Variants in AGBL4 observed in about 807,000 individuals in gnomAD.
AGBL4 encodes cytosolic carboxypeptidase 6.
A neutral mutation model predicts 66.4 loss-of-function variants in AGBL4; 58 were observed. That is an observed-to-expected ratio of 0.87 (90% CI 0.71 to 1.09). The LOEUF (loss-of-function observed/expected upper bound fraction) is 1.09, where lower values mean the gene tolerates loss of function less well. Ranked by LOEUF, AGBL4 falls within the 50% of genes least tolerant of loss-of-function variation. The pLI is 0.00. For missense variants in AGBL4, 579 were observed against 631.0 expected (o/e 0.92, Z 0.88); for synonymous variants, 234 against 222.9 (o/e 1.05, Z -0.44).
Position 49,431,629 on chromosome 1 carries a change from C to T in AGBL4, c.283-185765G>A, listed in dbSNP as rs377702978. Among the ~76,000 whole-genome samples the T allele has an allele frequency of 3.4e-4, 52 of 152,228 alleles. 1 individual carries two copies. In the South Asian group the frequency reaches 9.6e-3, roughly 28 times the overall value. ...CAGCATTTTGTACATCTCCATTGTA[C>T]ATTTTGCTGTAATCATGTATTTTTT... On this transcript the variant is annotated intron_variant, in intron 3 of 13. Transcript: ENST00000371839.
At chr1:49,224,040 A>C (rs1241050535) in intron 4 of AGBL4, among the ~76,000 whole-genome samples, 1 of 152,202 alleles carries the variant, frequency 6.6e-6, no homozygotes, top group African/African-American at 2.4e-5. Context: ...CTGTTAAAGG[A>C]GAACATCTGC....
intron 8 of AGBL4, among the ~76,000 whole-genome samples, chr1:48,649,334 A>G (rs1175240910): frequency 6.6e-6 from 1 of 152,194 alleles, no homozygotes; most frequent in African/African-American, 2.4e-5. Context: ...AAATGAAGAG[A>G]AGGCAAATGT....
intron 3 of AGBL4, among the ~76,000 whole-genome samples, chr1:49,535,606 T>C (rs753172998): frequency 5.9e-5 from 9 of 152,036 alleles, no homozygotes; most frequent in Non-Finnish European, 1.2e-4. Context: ...AAATAATTAT[T>C]TGACATGTGC....
chr1:49,793,990 T>C (rs928754643), intron 2 of AGBL4, among the ~76,000 whole-genome samples: 2 of 151,964 alleles, frequency 1.3e-5, no homozygotes, highest in African/African-American at 2.4e-5. Flanking sequence ...ATCGTGAGGA[T>C]AGAAATGTGC....
chr1:48,664,421 T>A (rs1323080304), intron 6 of AGBL4, among the ~76,000 whole-genome samples: 1 of 152,164 alleles, frequency 6.6e-6, no homozygotes, highest in East Asian at 1.9e-4. Context: ...CCAAGGAGAA[T>A]GAGAATTCAG....
In AGBL4 at chr1:48,801,910, CTT is replaced by C. The variant is rs11322552; in HGVS notation, c.634+65279_634+65280del. Among the ~76,000 whole-genome samples, 956 of 144,268 alleles carry C rather than the reference CTT, an allele frequency of 6.6e-3. 4 individuals are homozygous for C. Among genetic ancestry groups the C allele is most frequent in the African/African-American group, 8.1e-3 (320 of 39,646 alleles). 94.6% of individuals were successfully genotyped at this position (144,268 alleles called of 152,430 possible). ...CACTCTGGCCTTGCCTCCATAATAA[CTT>C]TTTTTTTTTTTTTGACTTCAAAACA... is the stretch of plus-strand genomic sequence containing the variant. On this transcript the variant is annotated intron_variant, in intron 6 of 13. Transcript: ENST00000371839.
In AGBL4 at chr1:48,988,846, G is replaced by C. The variant is rs534637026; in HGVS notation, c.594+56738C>G. 2.0e-5 allele frequency among the ~76,000 whole-genome samples: 3 copies of C among 152,282 alleles called. No homozygotes were observed. The East Asian group carries it at 5.8e-4, about 29-fold the overall frequency. Reference sequence around the variant, plus strand: ...TCATTACTGCTAGCTTCAATGACCTGAGAGGTCAGCAAAGAAATGAGTGTC... The same window carrying C: ...TCATTACTGCTAGCTTCAATGACCTCAGAGGTCAGCAAAGAAATGAGTGTC... On this transcript the variant is annotated intron_variant, in intron 5 of 13. Transcript: ENST00000371839.
chr1:49,894,343 T>C (rs1428362279), intron 1 of AGBL4, among the ~76,000 whole-genome samples: 1 of 152,086 alleles, frequency 6.6e-6, no homozygotes, highest in Non-Finnish European at 1.5e-5. Context: ...ATCAAGGACA[T>C]CAAGGAAAAT....
At chr1:49,068,634 T>C (rs563190112) in intron 4 of AGBL4, among the ~76,000 whole-genome samples, 3 of 152,356 alleles carry the variant, frequency 2.0e-5, no homozygotes, top group South Asian at 4.1e-4. Flanking sequence ...CTATCATTGA[T>C]AGGCACTCCA....
chr1:48,827,529 C>T (rs979651397), intron 6 of AGBL4, among the ~76,000 whole-genome samples: 8 of 152,186 alleles, frequency 5.3e-5, no homozygotes, highest in South Asian at 2.1e-4. Flanking sequence ...ACACTGCTAT[C>T]GTTTTCTTGG....
intron 4 of AGBL4, among the ~76,000 whole-genome samples, chr1:49,092,163 C>T (rs930391685): frequency 6.6e-6 from 1 of 152,032 alleles, no homozygotes; most frequent in Admixed American, 6.6e-5. Context: ...GCACATGTAC[C>T]CCTGCAACTA....
chr1:49,337,670 A>T (rs545508574), intron 3 of AGBL4, among the ~76,000 whole-genome samples: 6 of 152,320 alleles, frequency 3.9e-5, no homozygotes, highest in African/African-American at 1.4e-4. Flanking sequence ...CCAGGGCAGC[A>T]ACTATGATAT....
At chr1:49,231,417 T>C (rs1650299830) in intron 4 of AGBL4, among the ~76,000 whole-genome samples, 1 of 152,192 alleles carries the variant, frequency 6.6e-6, no homozygotes, top group African/African-American at 2.4e-5. Context: ...ACCACTTTGC[T>C]AGAGATACTG....
At chr1:49,537,088 C>G (rs1002034021) in intron 3 of AGBL4, among the ~76,000 whole-genome samples, 3 of 151,774 alleles carry the variant, frequency 2.0e-5, no homozygotes, top group African/African-American at 7.3e-5. Flanking sequence ...AATTGGCTAC[C>G]TATATGCAGA....
intron 1 of AGBL4, among the ~76,000 whole-genome samples, chr1:49,987,377 C>A (rs995804191): frequency 9.9e-5 from 15 of 151,936 alleles, no homozygotes; most frequent in African/African-American, 3.4e-4. Context: ...TAAAATAGTT[C>A]TTCCTAAAGG....
At chr1:49,244,386 C>T (rs1651470020) in intron 4 of AGBL4, among the ~76,000 whole-genome samples, 1 of 151,726 alleles carries the variant, frequency 6.6e-6, no homozygotes, top group Non-Finnish European at 1.5e-5. Flanking sequence ...CCCAGAAAGA[C>T]TGAGAGAAGG....
intron 9 of AGBL4, among the ~76,000 whole-genome samples, chr1:48,627,009 T>C (rs1365028308): frequency 6.6e-6 from 1 of 152,042 alleles, no homozygotes; most frequent in Non-Finnish European, 1.5e-5. Flanking sequence ...ATTTCTGATG[T>C]GTACGTGGGG....
chr1:49,994,912 T>C, intron 1 of AGBL4: 2 of 353,350 alleles, frequency 5.7e-6, no homozygotes, highest in Non-Finnish European at 1.1e-5. Flanking sequence ...ATTTAACCTT[T>C]CCTGGAGCTG....
intron 5 of AGBL4, among the ~76,000 whole-genome samples, chr1:49,025,412 G>A (rs1663580118): frequency 6.6e-6 from 1 of 152,102 alleles, no homozygotes; most frequent in Admixed American, 6.5e-5. Context: ...TTATGGAGAA[G>A]GCCAATAAAC....
Sources: gnomAD v4.1 joint callset for allele counts (sites outside exome capture counted in the v4.1 genomes callset) on GRCh38, gnomAD v4.1.1 for gene constraint, MANE v1.5 for transcripts, NCBI Gene and HGNC (gene_info 2026-07-23, HGNC 2026-07-21) for gene names.